The following IGSF10 variants were observed in gnomAD, a reference collection of about 807,000 sequenced individuals.
IGSF10 encodes calvaria mechanical force protein 608.
In IGSF10, 126 loss-of-function variants were observed where a neutral mutation model predicts 128.2. That is an observed-to-expected ratio of 0.98 (90% CI 0.85 to 1.14). The LOEUF (loss-of-function observed/expected upper bound fraction) is 1.14, where lower values mean the gene tolerates loss of function less well. IGSF10 is among the 50% of genes most tolerant of loss of function. The probability of loss-of-function intolerance (pLI) is 0.00; values close to 1 mark genes in which losing one functional copy is unlikely to be tolerated. For missense variants in IGSF10, 3,295 were observed against 3,149.8 expected, an observed-to-expected ratio of 1.05 and a Z score of -1.10; for synonymous variants, 1,185 against 1,146.2, an observed-to-expected ratio of 1.03 and a Z score of -0.68.
the IGSF10 span, among the ~76,000 whole-genome samples, chr3:151,547,706 A>G: frequency 6.6e-6 from 1 of 152,182 alleles, no homozygotes; most frequent in Admixed American, 6.6e-5. Flanking sequence ...TTAAGTCTTC[A>G]TCTTGGAGCA....
chr3:151,470,763 G>C, the IGSF10 span, among the ~76,000 whole-genome samples: 9 of 152,162 alleles, frequency 5.9e-5, no homozygotes, highest in African/African-American at 2.2e-4. Context: ...AGCAGCAGTG[G>C]CCAAACTGGT....
the IGSF10 span, among the ~76,000 whole-genome samples, chr3:151,571,228 C>T: frequency 2.0e-5 from 3 of 152,164 alleles, no homozygotes; most frequent in Admixed American, 1.3e-4. Context: ...TTTTTTGGTT[C>T]CATATGAACT....
chr3:151,482,069 A>G, the IGSF10 span, among the ~76,000 whole-genome samples: 2 of 152,356 alleles, frequency 1.3e-5, no homozygotes, highest in East Asian at 1.9e-4. Flanking sequence ...AAGCCAATCA[A>G]TAAAATTTGG....
At chr3:151,582,771 G>A in the IGSF10 span, among the ~76,000 whole-genome samples, 1 of 152,122 alleles carries the variant, frequency 6.6e-6, no homozygotes. Flanking sequence ...GCAGTGCAAT[G>A]TTAAATACAA....
chr3:151,440,135 A>G (rs1237348929), intron 7 of IGSF10, among the ~76,000 whole-genome samples: 1 of 152,094 alleles, frequency 6.6e-6, no homozygotes, highest in African/African-American at 2.4e-5. Flanking sequence ...GGTTCAAGCA[A>G]TCCACCAACC....
In IGSF10 at chr3:151,437,625, G is replaced by C. The variant is rs201769254; in HGVS notation, c.6936C>G (p.Ile2312Met). 1 of 1,614,160 alleles carries C rather than the reference G, an allele frequency of 6.2e-7. No homozygotes were observed. Among genetic ancestry groups the C allele is most frequent in the Admixed American group, 1.7e-5 (1 of 60,020 alleles). The change falls in exon 8 of 8, where the codon ATC becomes ATG. Residue 2312 changes from isoleucine (I) to methionine (M), a missense_variant. Transcript: ENST00000282466. ...CTCCACCTTCATTTCGGGCCACACA[G>C]ATAAAGTCGGCTGAATCTGAAAGCC... ...NVRLSDSADF[I>M]CVARNEGGES...
At chr3:151,556,291 G>C in the IGSF10 span, among the ~76,000 whole-genome samples, 14 of 152,104 alleles carry the variant, frequency 9.2e-5, no homozygotes, top group African/African-American at 3.4e-4. Flanking sequence ...AGACTAAAAC[G>C]ATGTGAGACT....
At chr3:151,496,606 C>T in the IGSF10 span, among the ~76,000 whole-genome samples, 2 of 127,850 alleles carry the variant, frequency 1.6e-5, no homozygotes, top group African/African-American at 6.1e-5. Flanking sequence ...GGTTCCAAGT[C>T]TTTGCTATTG....
the IGSF10 span, among the ~76,000 whole-genome samples, chr3:151,605,916 C>T: frequency 1.3e-5 from 2 of 152,222 alleles, no homozygotes; most frequent in Non-Finnish European, 2.9e-5. Flanking sequence ...TTTTGGGCCT[C>T]ACCCCCAGAG....
the IGSF10 span, among the ~76,000 whole-genome samples, chr3:151,515,253 T>C: frequency 6.6e-6 from 1 of 151,480 alleles, no homozygotes; most frequent in South Asian, 2.1e-4. Flanking sequence ...ATTAAGAAAA[T>C]GTGGCACATG....
At position 151,437,133 on chromosome 3, in the gene IGSF10, CCTGT is replaced by C; in HGVS notation, c.7424_7427del (p.Asp2475GlyfsTer16). On this transcript the variant is annotated frameshift_variant, in exon 8 of 8. Transcript: ENST00000282466. LOFTEE classifies it low-confidence loss of function (END_TRUNC). ...ATATGTATTTCCCATTAATTTGAGG[CCTGT>C]CTACTACATAACCACTTGGCATAGT... is the stretch of plus-strand genomic sequence containing the variant. The C allele has an allele frequency of 6.2e-7, 1 of 1,614,140 alleles. No individual in the cohort carries two copies. Among genetic ancestry groups the C allele is most frequent in the South Asian group, 1.1e-5 (1 of 91,084 alleles).
At chr3:151,586,316 T>A in the IGSF10 span, among the ~76,000 whole-genome samples, 3 of 152,202 alleles carry the variant, frequency 2.0e-5, no homozygotes, top group Non-Finnish European at 4.4e-5. Context: ...ATTAGCTTTT[T>A]TTCTATAGTT....
At chr3:151,605,660 C>T in the IGSF10 span, among the ~76,000 whole-genome samples, 3 of 152,160 alleles carry the variant, frequency 2.0e-5, no homozygotes, top group African/African-American at 4.8e-5. Flanking sequence ...ATGAAAAACA[C>T]TAAGGGTTAG....
chr3:151,446,314 G>A lies in IGSF10; in HGVS notation c.3667C>T (p.His1223Tyr). Residue 1223 changes from histidine (H) to tyrosine (Y), a missense_variant, in exon 6 of 8, where the codon CAT becomes TAT. Physicochemically the swap from His to Tyr is moderately conservative, Grantham distance 83 (BLOSUM62 2). Transcript: ENST00000282466. ...HNPKGRLRNQ[H>Y]KVSLQKSTAV... is the part of the protein sequence containing the mutation. ...GTGCTTTTTTGTAAACTAACTTTAT[G>A]TTGATTCCTTAATCTGCCTTTTGGG... The A allele has an allele frequency of 6.2e-7, 1 of 1,614,000 alleles. No homozygotes were observed. Among genetic ancestry groups the A allele is most frequent in the Non-Finnish European group, 8.5e-7 (1 of 1,179,870 alleles).
At chr3:151,508,187 T>C in the IGSF10 span, among the ~76,000 whole-genome samples, 1 of 152,068 alleles carries the variant, frequency 6.6e-6, no homozygotes, top group Non-Finnish European at 1.5e-5. Context: ...GTATTAAAAA[T>C]TTTGTTTGGC....
At chr3:151,585,284 T>G in the IGSF10 span, among the ~76,000 whole-genome samples, 8 of 152,194 alleles carry the variant, frequency 5.3e-5, no homozygotes, top group Non-Finnish European at 1.0e-4. Context: ...ATTGACTGTG[T>G]TTATTTCATT....
At chr3:151,491,878 G>GATATAAA in the IGSF10 span, among the ~76,000 whole-genome samples, 202 of 152,226 alleles carry the variant, frequency 1.3e-3, no homozygotes, top group African/African-American at 4.5e-3. Context: ...GATAAAAATT[G>GATATAAA]ATATAAAAAC....
the IGSF10 span, among the ~76,000 whole-genome samples, chr3:151,602,991 T>C: frequency 1.3e-5 from 2 of 152,232 alleles, no homozygotes; most frequent in Non-Finnish European, 2.9e-5. Flanking sequence ...TTTCTGTTGT[T>C]CTATTTTCTT....
chr3:151,545,058 CCTT>C, the IGSF10 span, among the ~76,000 whole-genome samples: 1 of 152,076 alleles, frequency 6.6e-6, no homozygotes, highest in Non-Finnish European at 1.5e-5. Flanking sequence ...TTACTTGGAT[CCTT>C]CTTAATAGCC....
Sources: allele counts gnomAD v4.1 joint callset (sites outside exome capture counted in the v4.1 genomes callset), GRCh38; gene constraint gnomAD v4.1.1; transcripts MANE v1.5; gene names NCBI Gene and HGNC (gene_info 2026-07-23, HGNC 2026-07-21).